Variants in GADL1 observed in about 807,000 individuals in gnomAD.
GADL1 encodes the protein acidic amino acid decarboxylase GADL1.
In GADL1, 71 loss-of-function variants were observed where a neutral mutation model predicts 69.5. That is an observed-to-expected ratio of 1.02 (90% confidence interval 0.84 to 1.25). The LOEUF (loss-of-function observed/expected upper bound fraction) is 1.25. Ranked by LOEUF, GADL1 falls within the 50% of genes most tolerant of loss-of-function variation. GADL1 has a pLI of 0.00. For missense variants in GADL1, 737 were observed against 631.8 expected, an observed-to-expected ratio of 1.17 and a Z score of -1.79; for synonymous variants, 254 against 214.4, an observed-to-expected ratio of 1.18 and a Z score of -1.62.
chr3:30,746,257 T>C (rs916481592), intron 14 of GADL1, among the ~76,000 whole-genome samples: 3 of 152,146 alleles, frequency 2.0e-5, no homozygotes, highest in African/African-American at 4.8e-5. Context: ...CCTCCCAAAG[T>C]GCTGAAATTA....
chr3:30,830,615 A>G (rs1352680019), intron 11 of GADL1, among the ~76,000 whole-genome samples: 1 of 151,868 alleles, frequency 6.6e-6, no homozygotes, highest in African/African-American at 2.4e-5. Flanking sequence ...GCTAAGTTCT[A>G]GGCCTTATTT....
At chr3:30,876,594 T>G (rs11918464) in intron 1 of GADL1, among the ~76,000 whole-genome samples, 31,622 of 151,870 alleles carry the variant, frequency 0.21, 3,777 homozygotes, top group Admixed American at 0.32. Flanking sequence ...AGTAGAGTGT[T>G]TCTTCAGGTG....
chr3:30,752,575 A>AGTT (rs1695851872), intron 14 of GADL1, among the ~76,000 whole-genome samples: 2 of 152,124 alleles, frequency 1.3e-5, no homozygotes, highest in Admixed American at 1.3e-4. Flanking sequence ...AGTCTCGAGG[A>AGTT]GTTATGCGAG....
At chr3:30,885,233 T>C (rs960622378) in intron 1 of GADL1, among the ~76,000 whole-genome samples, 15 of 152,244 alleles carry the variant, frequency 9.9e-5, no homozygotes, top group African/African-American at 3.4e-4. Context: ...TTTGCTTCTA[T>C]ATTTTTAATT....
At chr3:30,885,319 G>A (rs1698688985) in intron 1 of GADL1, among the ~76,000 whole-genome samples, 1 of 151,862 alleles carries the variant, frequency 6.6e-6, no homozygotes, top group Non-Finnish European at 1.5e-5. Flanking sequence ...CAGCAACAGA[G>A]GATTAATTAG....
At chr3:30,772,868 T>C (rs1696446125) in intron 14 of GADL1, among the ~76,000 whole-genome samples, 1 of 152,116 alleles carries the variant, frequency 6.6e-6, no homozygotes, top group Admixed American at 6.5e-5. Flanking sequence ...AGAGTGAGAC[T>C]CTGTCTTAAC....
intron 14 of GADL1, among the ~76,000 whole-genome samples, chr3:30,774,340 C>T (rs186159097): frequency 1.7e-3 from 266 of 152,242 alleles, no homozygotes; most frequent in Non-Finnish European, 2.5e-3. Context: ...ATTATTCAAG[C>T]GCAGAACCTA....
intron 13 of GADL1, among the ~76,000 whole-genome samples, chr3:30,785,671 G>C (rs1011086993): frequency 1.3e-5 from 2 of 152,160 alleles, no homozygotes; most frequent in Admixed American, 6.5e-5. Context: ...ACTGTGCCTA[G>C]CCAGCTACAT....
chr3:30,815,603 G>A (rs148813185), intron 11 of GADL1, among the ~76,000 whole-genome samples: 118 of 152,282 alleles, frequency 7.7e-4, no homozygotes, highest in African/African-American at 2.6e-3. Context: ...GCAAGAGTCT[G>A]GGGACCGAAT....
intron 1 of GADL1, among the ~76,000 whole-genome samples, chr3:30,871,612 C>T (rs1453123085): frequency 6.6e-6 from 1 of 151,828 alleles, no homozygotes; most frequent in African/African-American, 2.4e-5. Flanking sequence ...TTGAAAAGCA[C>T]AGATGAACAT....
At position 30,810,038 on chromosome 3, in the gene GADL1, C is replaced by A. The variant is rs116211440; in HGVS notation, c.1051-8950G>T. Among the ~76,000 whole-genome samples, 1,212 of 152,240 alleles carry A rather than the reference C, an allele frequency of 8.0e-3. 17 individuals are homozygous for A. The highest frequency in any genetic ancestry group is 0.028 in the African/African-American group (1,158 of 41,520). On this transcript the variant is annotated intron_variant, in intron 11 of 14. Transcript: ENST00000282538. ...AGGTGCTTGTGATTGAATTTCTGTT[C>A]TGGTGAACAGTCTGCCCTGTTCTCT...
At chr3:30,802,401 G>T (rs745575506) in intron 11 of GADL1, among the ~76,000 whole-genome samples, 1 of 152,146 alleles carries the variant, frequency 6.6e-6, no homozygotes, top group Non-Finnish European at 1.5e-5. Context: ...GGTATGAATA[G>T]AATAAACACA....
At chr3:30,830,533 G>A (rs973416936) in intron 11 of GADL1, among the ~76,000 whole-genome samples, 15 of 151,722 alleles carry the variant, frequency 9.9e-5, no homozygotes, top group African/African-American at 3.6e-4. Flanking sequence ...CATCTCCCTG[G>A]CCATTCTGAC....
chr3:30,834,251 T>A lies in GADL1; in HGVS notation c.934A>T (p.Arg312Trp). The part of the protein sequence containing the change: ...ASWGGSALMS[R>W]KHRKLLHGIH... ...CCATGCAGAAGCTTGCGGTGCTTCC[T>A]CGACATCAAAGCTGAGCCACCCCAA... The change falls in exon 10 of 15, where the codon AGG (arginine) becomes TGG (tryptophan). Residue 312 changes from arginine to tryptophan, a missense_variant. Coordinates refer to ENST00000282538, the MANE Select transcript of GADL1 (RefSeq NM_207359.3). 1 of 1,612,956 alleles carries A rather than the reference T, an allele frequency of 6.2e-7. No homozygotes were observed. Among genetic ancestry groups the A allele is most frequent in the Non-Finnish European group, 8.5e-7 (1 of 1,179,226 alleles).
intron 1 of GADL1, among the ~76,000 whole-genome samples, chr3:30,876,482 A>G (rs1698577776): frequency 6.6e-6 from 1 of 152,042 alleles, no homozygotes; most frequent in South Asian, 2.1e-4. Flanking sequence ...ATTTCTGAAT[A>G]TTTAACACTT....
At chr3:30,877,269 G>C (rs918111848) in intron 1 of GADL1, among the ~76,000 whole-genome samples, 2 of 151,840 alleles carry the variant, frequency 1.3e-5, no homozygotes, top group Non-Finnish European at 2.9e-5. Flanking sequence ...TCACCAGAAA[G>C]ATTGAACTAA....
intron 1 of GADL1, among the ~76,000 whole-genome samples, chr3:30,883,059 T>C (rs921570244): frequency 1.3e-5 from 2 of 152,068 alleles, no homozygotes. Context: ...CACAATATTA[T>C]CCGACGTATT....
At chr3:30,778,352 T>G in intron 13 of GADL1, 84 bp from the exon 14 acceptor site, 4 of 862,416 alleles carry the variant, frequency 4.6e-6, no homozygotes, top group South Asian at 4.6e-5. Flanking sequence ...CTTAGCTAGT[T>G]TCTTCAAGAG....
intron 11 of GADL1, among the ~76,000 whole-genome samples, chr3:30,803,138 T>C (rs924850453): frequency 2.6e-5 from 4 of 152,196 alleles, no homozygotes; most frequent in African/African-American, 7.2e-5. Flanking sequence ...AGCCTGGTTC[T>C]GATGGGTATT....
Sources: gnomAD v4.1 joint callset for allele counts (sites outside exome capture counted in the v4.1 genomes callset) on GRCh38, gnomAD v4.1.1 for gene constraint, MANE v1.5 for transcripts, NCBI Gene and HGNC (gene_info 2026-07-23, HGNC 2026-07-21) for gene names.